The following DLGAP1 variants were observed in gnomAD, a reference collection of about 807,000 sequenced individuals.
DLGAP1 encodes the protein DLG associated protein 1.
In DLGAP1, 11 loss-of-function variants were observed where a neutral mutation model predicts 90.8. That is an observed-to-expected ratio of 0.12 (90% confidence interval 0.08 to 0.20). DLGAP1 has a LOEUF of 0.20. Ranked by LOEUF, DLGAP1 falls within the 10% of genes least tolerant of loss-of-function variation. The pLI is 1.00. For synonymous variants in DLGAP1, 558 were observed against 540.7 expected, an observed-to-expected ratio of 1.03 and a Z score of -0.44; for missense variants, 1,050 against 1,333.8, an observed-to-expected ratio of 0.79 and a Z score of 3.31.
intron 1 of DLGAP1, among the ~76,000 whole-genome samples, chr18:4,301,449 CACAA>C (rs2080123891): frequency 1.3e-5 from 2 of 152,272 alleles, no homozygotes; most frequent in Non-Finnish European, 2.9e-5. Context: ...TTCATGTTGT[CACAA>C]ACAATTAAAT....
intron 6 of DLGAP1, among the ~76,000 whole-genome samples, chr18:3,741,518 CCAT>C (rs1029699004): frequency 4.0e-5 from 6 of 151,736 alleles, no homozygotes; most frequent in Non-Finnish European, 8.8e-5. Context: ...ATTACCACCA[CCAT>C]CACTACCAAC....
At chr18:3,669,728 A>G (rs374946472) in intron 7 of DLGAP1, among the ~76,000 whole-genome samples, 1 of 152,296 alleles carries the variant, frequency 6.6e-6, no homozygotes, top group South Asian at 2.1e-4. Flanking sequence ...TCTACTCAGT[A>G]AAACTTTCCA....
intron 1 of DLGAP1, among the ~76,000 whole-genome samples, chr18:4,211,629 G>A (rs992152217): frequency 6.6e-6 from 1 of 152,068 alleles, no homozygotes; most frequent in Non-Finnish European, 1.5e-5. Flanking sequence ...CTAATGAAAG[G>A]GTTTGATGGT....
chr18:4,098,683 C>T (rs994526565), intron 2 of DLGAP1, among the ~76,000 whole-genome samples: 2 of 152,078 alleles, frequency 1.3e-5, no homozygotes, highest in East Asian at 1.9e-4. Context: ...TTGGGGATGG[C>T]AGTGGAAGAA....
At chr18:3,971,015 T>G (rs1423065618) in intron 3 of DLGAP1, among the ~76,000 whole-genome samples, 1 of 152,162 alleles carries the variant, frequency 6.6e-6, no homozygotes, top group Non-Finnish European at 1.5e-5. Context: ...TTGAGACAGC[T>G]GGAACCACCT....
intron 3 of DLGAP1, among the ~76,000 whole-genome samples, chr18:3,960,302 C>T (rs1214483533): frequency 6.6e-6 from 1 of 152,202 alleles, no homozygotes; most frequent in South Asian, 2.1e-4. Flanking sequence ...CTTGTGTCTC[C>T]TTTGCTGATT....
chr18:3,526,450 G>A lies in DLGAP1; in HGVS notation c.2479+7744C>T, dbSNP rs1188780570. On this transcript the variant is annotated intron_variant, in intron 10 of 12. Transcript: ENST00000315677. The surrounding 1 kb of genome is among the most constrained non-coding windows in gnomAD (Gnocchi z 4.7). ...AGGTGTCATTACCAGCCCCGCATTC[G>A]CTGCCAAGGGTCCCAAGCCTTCTAG... Among the ~76,000 whole-genome samples the A allele has an allele frequency of 2.0e-5, 3 of 152,188 alleles. No homozygotes were observed. Among genetic ancestry groups the A allele is most frequent in the African/African-American group, 7.2e-5 (3 of 41,444 alleles).
intron 2 of DLGAP1, among the ~76,000 whole-genome samples, chr18:4,148,704 T>C (rs888563013): frequency 6.6e-6 from 1 of 152,208 alleles, no homozygotes; most frequent in African/African-American, 2.4e-5. Flanking sequence ...TCTGCTGCCC[T>C]TTCTCCTGTC....
At chr18:3,561,452 A>C (rs868063364) in intron 9 of DLGAP1, among the ~76,000 whole-genome samples, 2 of 143,824 alleles carry the variant, frequency 1.4e-5, no homozygotes, top group South Asian at 2.2e-4. Context: ...AAAAAAAAAA[A>C]AAAAAAACAG....
intron 9 of DLGAP1, among the ~76,000 whole-genome samples, chr18:3,538,417 T>C (rs2052504352): frequency 6.6e-6 from 1 of 150,828 alleles, no homozygotes; most frequent in Admixed American, 6.6e-5. Flanking sequence ...AATCACATAG[T>C]GTGAAAATCT....
intron 1 of DLGAP1, among the ~76,000 whole-genome samples, chr18:4,274,917 C>T (rs2079375747): frequency 6.6e-6 from 1 of 152,074 alleles, no homozygotes; most frequent in Non-Finnish European, 1.5e-5. Flanking sequence ...CTCCACTGAT[C>T]ATTAATGGGA....
At chr18:4,335,565 T>C (rs759266043) in intron 1 of DLGAP1, among the ~76,000 whole-genome samples, 2 of 152,114 alleles carry the variant, frequency 1.3e-5, no homozygotes, top group Non-Finnish European at 1.5e-5. Context: ...AGTCCTGTGG[T>C]TTCACCTGGC....
chr18:3,516,943 C>T (rs2050879261), intron 10 of DLGAP1, among the ~76,000 whole-genome samples: 1 of 152,214 alleles, frequency 6.6e-6, no homozygotes, highest in South Asian at 2.1e-4. Context: ...CAACTTTCAT[C>T]TCCATGTACA....
At chr18:3,765,516 C>T (rs996384508) in intron 5 of DLGAP1, among the ~76,000 whole-genome samples, 1 of 151,604 alleles carries the variant, frequency 6.6e-6, no homozygotes, top group African/African-American at 2.4e-5. Context: ...ATTATAATAC[C>T]TAAAGCTACC....
intron 1 of DLGAP1, among the ~76,000 whole-genome samples, chr18:4,403,430 T>C (rs1397998774): frequency 6.6e-6 from 1 of 152,220 alleles, no homozygotes; most frequent in East Asian, 1.9e-4. Flanking sequence ...TAATGCTTAA[T>C]GTTATCTATG....
rs115079094 is a variant in DLGAP1, at chr18:4,166,020, A to G, written c.-266-14733T>C. On this transcript the variant is annotated intron_variant, in intron 1 of 12. Transcript: ENST00000315677. The stretch of plus-strand genomic sequence containing the variant: ...AAAAAATCAAAAAAATTAGCCAGGC[A>G]TGGTGGCATGTGCCTGCAGTACTAG... Among the ~76,000 whole-genome samples the G allele has an allele frequency of 2.7e-3, 414 of 152,220 alleles. 3 individuals carry two copies. Among genetic ancestry groups the G allele is most frequent in the African/African-American group, 9.7e-3 (403 of 41,540 alleles).
intron 2 of DLGAP1, among the ~76,000 whole-genome samples, chr18:4,024,404 T>C (rs905508961): frequency 1.3e-5 from 2 of 152,176 alleles, no homozygotes; most frequent in African/African-American, 4.8e-5. Context: ...AAGAACCCCA[T>C]GTTCCTGATC....
At chr18:4,237,450 G>C (rs932244858) in intron 1 of DLGAP1, among the ~76,000 whole-genome samples, 1 of 152,024 alleles carries the variant, frequency 6.6e-6, no homozygotes, top group East Asian at 1.9e-4. Context: ...CAGAAAAAAC[G>C]GTCAGGGTTA....
chr18:4,112,821 CA>C (rs1381240187), intron 2 of DLGAP1, among the ~76,000 whole-genome samples: 1 of 152,086 alleles, frequency 6.6e-6, no homozygotes, highest in Non-Finnish European at 1.5e-5. Context: ...CATGTGTATC[CA>C]ATATTTAGCT....
Sources: gnomAD v4.1 joint callset for allele counts (sites outside exome capture counted in the v4.1 genomes callset) on GRCh38, gnomAD v4.1.1 for gene constraint, Gnocchi (gnomAD v3.1) non-coding constraint, MANE v1.5 for transcripts, NCBI Gene and HGNC (gene_info 2026-07-23, HGNC 2026-07-21) for gene names.